The following KIAA1671 variants were observed in gnomAD, a reference collection of about 807,000 sequenced individuals.
The protein encoded by KIAA1671 is KIAA1671, also known as uncharacterized protein KIAA1671.
In KIAA1671, 52 loss-of-function variants were observed where a neutral mutation model predicts 131.2. The ratio of observed to expected loss-of-function variants is 0.40; its 90% CI spans 0.32 to 0.50. KIAA1671 has a LOEUF of 0.50. Ranked by LOEUF, KIAA1671 falls within the 20% of genes least tolerant of loss-of-function variation. The pLI is 0.73. For missense variants in KIAA1671, 2,360 were observed against 2,364.2 expected (o/e 1.00, Z 0.04); for synonymous variants, 1,003 against 961.6 (o/e 1.04, Z -0.80).
chr22:24,980,753 T>A (rs133089), intron 1 of KIAA1671, among the ~76,000 whole-genome samples: 96,196 of 151,362 alleles, frequency 0.64, 32,788 homozygotes, highest in African/African-American at 0.9. Flanking sequence ...TATTATTATT[T>A]TTTTTTTTTT....
At chr22:25,035,785 G>T (rs1280023981) in intron 4 of KIAA1671, among the ~76,000 whole-genome samples, 1 of 152,144 alleles carries the variant, frequency 6.6e-6, no homozygotes. Context: ...CTGTAATTTT[G>T]TGTATGTTTA....
At chr22:24,954,652 C>T (rs1921593518) in intron 1 of KIAA1671, among the ~76,000 whole-genome samples, 1 of 152,304 alleles carries the variant, frequency 6.6e-6, no homozygotes, top group African/African-American at 2.4e-5. Flanking sequence ...AGTCGGCTTG[C>T]CCTGCAGTCT....
At position 25,040,667 on chromosome 22, in the gene KIAA1671, T is replaced by C; in HGVS notation, c.3537T>C (p.Thr1179=). The change falls in exon 5 of 13, where the codon ACT becomes ACC. Residue 1179 remains threonine, a synonymous_variant. Coordinates refer to ENST00000358431, the MANE Select transcript of KIAA1671 (RefSeq NM_001145206.2). ...RPKDLPVRRK[T]DVISDTFPGK... ...AAGATCTTCCTGTGAGAAGGAAGAC[T>C]GATGTGATCAGTGACACGTTCCCAG... The C allele has an allele frequency of 6.4e-7, 1 of 1,552,140 alleles. No homozygotes were observed. Among genetic ancestry groups the C allele is most frequent in the Non-Finnish European group, 8.7e-7 (1 of 1,147,078 alleles).
chr22:24,961,444 A>C (rs1291959254), intron 1 of KIAA1671, among the ~76,000 whole-genome samples: 1 of 152,202 alleles, frequency 6.6e-6, no homozygotes, highest in East Asian at 1.9e-4. Flanking sequence ...CCTACATCGC[A>C]GTGGCCTTTA....
rs2145804030 is a variant in KIAA1671 at position 25,038,869 on chromosome 22, A to G, written c.1739A>G (p.Gln580Arg). 1.3e-6 allele frequency: 2 copies of G among 1,551,768 alleles called. No individual in the cohort carries two copies. The highest frequency in any genetic ancestry group is 2.4e-5 in the South Asian group (2 of 84,050). The change falls in exon 5 of 13, where the codon CAA (glutamine) becomes CGA (arginine). Residue 580 changes from glutamine (Q) to arginine (R), a missense_variant. Gln to Arg is a conservative substitution (Grantham distance 43, BLOSUM62 1). Transcript: ENST00000358431. ...RQTEQKVSSN[Q>R]DPDSCRGGSS... ...ACGGAGCAGAAGGTTAGCTCTAACC[A>G]AGACCCCGACAGCTGTCGCGGTGGA...
At chr22:25,175,453 G>A (rs1003677794) in intron 8 of KIAA1671, 3 of 152,174 alleles carry the variant, frequency 2.0e-5, no homozygotes, top group African/African-American at 7.2e-5. Context: ...TCTCTCGCTG[G>A]CACCTCTAGA....
intron 6 of KIAA1671, among the ~76,000 whole-genome samples, chr22:25,090,722 G>C (rs77974435): frequency 2.1e-3 from 313 of 152,300 alleles, no homozygotes; most frequent in Non-Finnish European, 3.5e-3. Context: ...CCTTCATCAA[G>C]CAATATTGTT....
At chr22:25,021,378 C>G (rs1327486535) in intron 1 of KIAA1671, among the ~76,000 whole-genome samples, 1 of 151,948 alleles carries the variant, frequency 6.6e-6, no homozygotes, top group East Asian at 1.9e-4. Context: ...TTTTAAATGT[C>G]CCTTCTCAGT....
At chr22:25,136,791 T>G (rs1490881590) in intron 6 of KIAA1671, among the ~76,000 whole-genome samples, 1 of 152,244 alleles carries the variant, frequency 6.6e-6, no homozygotes, top group Non-Finnish European at 1.5e-5. Context: ...ATCATGCCTC[T>G]CAAGGCAGAA....
In KIAA1671 at chr22:24,992,471, C is replaced by T. The variant is rs182450189; in HGVS notation, c.-207-33162C>T. Among the ~76,000 whole-genome samples, 4 of 152,226 alleles carry T rather than the reference C, an allele frequency of 2.6e-5. 1 individual carries two copies. The East Asian group carries it at 5.8e-4, about 22-fold the overall frequency. ...CTTGTTCACACCTGTATCTCTGGCTCCTAGTACAGTGCCTGGCACATAGTA... is the reference window on the plus strand; with the variant it reads ...CTTGTTCACACCTGTATCTCTGGCTTCTAGTACAGTGCCTGGCACATAGTA... On this transcript the variant is annotated intron_variant, in intron 1 of 12. Transcript: ENST00000358431.
At chr22:25,030,934 A>G (rs1926253037) in intron 3 of KIAA1671, among the ~76,000 whole-genome samples, 1 of 152,246 alleles carries the variant, frequency 6.6e-6, no homozygotes, top group African/African-American at 2.4e-5. Context: ...TCAGTACTTT[A>G]GAATAACCGG....
At chr22:24,962,216 G>A (rs1307427009) in intron 1 of KIAA1671, among the ~76,000 whole-genome samples, 1 of 152,130 alleles carries the variant, frequency 6.6e-6, no homozygotes, top group African/African-American at 2.4e-5. Context: ...GATAGGCCTG[G>A]GTTTGAATCC....
At chr22:25,171,391 A>G (rs1933843552) in intron 7 of KIAA1671, among the ~76,000 whole-genome samples, 2 of 149,810 alleles carry the variant, frequency 1.3e-5, no homozygotes, top group Non-Finnish European at 3.0e-5. Context: ...GGGACAGAGC[A>G]AGACTCCGTC....
chr22:24,991,837 A>G (rs961771555), intron 1 of KIAA1671, among the ~76,000 whole-genome samples: 23 of 151,984 alleles, frequency 1.5e-4, no homozygotes, highest in African/African-American at 5.3e-4. Flanking sequence ...CATGGCCATA[A>G]TCTCCATTCA....
At chr22:25,074,729 C>T (rs1006114497) in intron 6 of KIAA1671, among the ~76,000 whole-genome samples, 2 of 152,106 alleles carry the variant, frequency 1.3e-5, no homozygotes, top group African/African-American at 4.8e-5. Context: ...GTCTGTCTGT[C>T]TGTCCAACTA....
At chr22:25,071,609 C>CCCGCCACT (rs1273839356) in intron 6 of KIAA1671, among the ~76,000 whole-genome samples, 1 of 151,806 alleles carries the variant, frequency 6.6e-6, no homozygotes, top group Non-Finnish European at 1.5e-5. Context: ...CTCCAATAAT[C>CCCGCCACT]GTATTTTTGA....
At chr22:25,117,898 G>A (rs1190250029) in intron 6 of KIAA1671, among the ~76,000 whole-genome samples, 2 of 151,976 alleles carry the variant, frequency 1.3e-5, no homozygotes, top group Non-Finnish European at 2.9e-5. Flanking sequence ...CAGCACTTTG[G>A]GAGGCCGAGG....
Position 24,954,538 on chromosome 22 carries a change from C to A in KIAA1671, c.-208+1766C>A, listed in dbSNP as rs1253461588. Among the ~76,000 whole-genome samples, 5 of 152,222 alleles carry A rather than the reference C, an allele frequency of 3.3e-5. No individual in the cohort carries two copies. The East Asian group carries it at 5.8e-4, about 18-fold the overall frequency. On this transcript the variant is annotated intron_variant, in intron 1 of 12. Transcript: ENST00000358431. Reference sequence around the variant, plus strand: ...GGGCACATGAACTGGCTGGCTCCATCAACCAGCGTGTATTGAGCACCTATG... The same window carrying A: ...GGGCACATGAACTGGCTGGCTCCATAAACCAGCGTGTATTGAGCACCTATG...
chr22:25,072,917 C>T (rs1399489183), intron 6 of KIAA1671, among the ~76,000 whole-genome samples: 2 of 152,200 alleles, frequency 1.3e-5, no homozygotes, highest in Non-Finnish European at 2.9e-5. Context: ...CCTGTAGCTT[C>T]GCATAGCTTG....
Sources: allele counts gnomAD v4.1 joint callset (sites outside exome capture counted in the v4.1 genomes callset), GRCh38; gene constraint gnomAD v4.1.1; transcripts MANE v1.5; gene names NCBI Gene and HGNC (gene_info 2026-07-23, HGNC 2026-07-21).